IMMP2L: variants seen among roughly 807,000 people sequenced by gnomAD.
IMMP2L encodes inner mitochondrial membrane peptidase subunit 2, also known as mitochondrial inner membrane protease subunit 2.
A neutral mutation model predicts 19.3 loss-of-function variants in IMMP2L; 18 were observed. The ratio of observed to expected loss-of-function variants is 0.93; its 90% confidence interval spans 0.64 to 1.38. The LOEUF (loss-of-function observed/expected upper bound fraction) is 1.38. IMMP2L is among the 40% of genes most tolerant of loss of function. The probability of loss-of-function intolerance (pLI) is 0.00; values close to 1 mark genes in which losing one functional copy is unlikely to be tolerated. For synonymous variants in IMMP2L, 76 were observed against 73.0 expected, an observed-to-expected ratio of 1.04 and a Z score of -0.21; for missense variants, 233 against 218.2, an observed-to-expected ratio of 1.07 and a Z score of -0.43.
chr7:111,143,104 G>GA (rs1803107540), intron 3 of IMMP2L, among the ~76,000 whole-genome samples: 1 of 151,996 alleles, frequency 6.6e-6, no homozygotes, highest in Non-Finnish European at 1.5e-5. Context: ...CAGATATCAT[G>GA]AAAAAAATCA....
intron 4 of IMMP2L, among the ~76,000 whole-genome samples, chr7:110,946,141 C>G (rs532553224): frequency 6.6e-6 from 1 of 152,184 alleles, no homozygotes; most frequent in South Asian, 2.1e-4. Flanking sequence ...CTGTTAAAAC[C>G]TAGATTTCTG....
intron 3 of IMMP2L, among the ~76,000 whole-genome samples, chr7:111,190,525 T>A (rs956428192): frequency 1.3e-5 from 2 of 152,032 alleles, no homozygotes; most frequent in African/African-American, 4.8e-5. Context: ...TATGCACCAA[T>A]AGAACAATAG....
intron 3 of IMMP2L, among the ~76,000 whole-genome samples, chr7:111,485,691 T>C (rs1253206535): frequency 6.6e-6 from 1 of 150,744 alleles, no homozygotes; most frequent in African/African-American, 2.4e-5. Context: ...ATTTTTGAAG[T>C]TAATGTATAT....
At position 111,548,221 on chromosome 7, in the gene IMMP2L, A is replaced by AC. The variant is rs1429465680; in HGVS notation, c.-3+13629_-3+13630insG. ...GACCTTCTATGTGCTTGCTACAAAA[A>AC]AAAAGTTCTTCCAAACAAATACATT... On this transcript the variant is annotated intron_variant, in intron 1 of 5. Coordinates refer to ENST00000405709, the MANE Select transcript of IMMP2L (RefSeq NM_032549.4). Among the ~76,000 whole-genome samples the AC allele has an allele frequency of 2.0e-5, 3 of 151,712 alleles. No homozygotes were observed. In the East Asian group the frequency reaches 5.8e-4, roughly 29 times the overall value.
intron 5 of IMMP2L, among the ~76,000 whole-genome samples, chr7:110,784,768 A>G (rs1399748786): frequency 1.3e-5 from 2 of 151,820 alleles, no homozygotes; most frequent in Admixed American, 1.3e-4. Context: ...ATGTTTATGT[A>G]ATTGGTCTGG....
chr7:110,994,766 C>T (rs893017588), intron 3 of IMMP2L, among the ~76,000 whole-genome samples: 4 of 152,104 alleles, frequency 2.6e-5, no homozygotes, highest in Non-Finnish European at 5.9e-5. Flanking sequence ...AATAGAGAGG[C>T]ACAATCTCTT....
intron 3 of IMMP2L, among the ~76,000 whole-genome samples, chr7:111,400,554 T>C (rs1355703167): frequency 2.0e-5 from 3 of 152,092 alleles, no homozygotes; most frequent in African/African-American, 4.8e-5. Flanking sequence ...CCATTTAAAA[T>C]GTTCTCACCT....
intron 5 of IMMP2L, among the ~76,000 whole-genome samples, chr7:110,784,506 G>A (rs1219033747): frequency 6.6e-6 from 1 of 151,954 alleles, no homozygotes; most frequent in African/African-American, 2.4e-5. Flanking sequence ...AAAAGGATCT[G>A]CCAACATTTA....
At chr7:111,122,785 C>T in intron 3 of IMMP2L, 1 of 1,611,844 alleles carries the variant, frequency 6.2e-7, no homozygotes, top group South Asian at 1.1e-5. Context: ...GAAGGACATG[C>T]CACTCCGAAT....
chr7:110,806,108 G>A (rs1388817283), intron 5 of IMMP2L, among the ~76,000 whole-genome samples: 1 of 151,798 alleles, frequency 6.6e-6, no homozygotes, highest in African/African-American at 2.4e-5. Flanking sequence ...GATCACAGAG[G>A]GAACCTGGTG....
chr7:110,945,516 A>G (rs1466596771), intron 4 of IMMP2L, among the ~76,000 whole-genome samples: 2 of 151,986 alleles, frequency 1.3e-5, no homozygotes, highest in East Asian at 1.9e-4. Flanking sequence ...GCCACTGAGC[A>G]TGACTCAGCT....
At position 111,124,959 on chromosome 7, in the gene IMMP2L, G is replaced by A. The variant is rs536774492; in HGVS notation, c.240-161394C>T. The A allele has an allele frequency of 1.4e-5, 16 of 1,175,376 alleles. No individual in the cohort carries two copies. The South Asian group carries it at 2.5e-4, about 19-fold the overall frequency. The allele number at this position is 1,175,376 out of a possible 1,614,324, so 72.8% of individuals were successfully genotyped here. ...AAAAAAAAAAAAGCGAAAGACTGCA[G>A]TTGTGCTAAAAACAAAACAAAACAA... On this transcript the variant is annotated intron_variant, in intron 3 of 5. Transcript: ENST00000405709.
At position 111,123,369 on chromosome 7, in the gene IMMP2L, A is replaced by G. The variant is rs781214401; in HGVS notation, c.240-159804T>C. On this transcript the variant is annotated intron_variant, in intron 3 of 5. Coordinates refer to ENST00000405709, the MANE Select transcript of IMMP2L (RefSeq NM_032549.4). This position sits in a 1 kb window ranked among gnomAD's most constrained non-coding sequence, Gnocchi z 6.4. ...AGATTCTGATGATTGGGGAAAATCC[A>G]ATTATCAGAATCAAAGACATGAACT... is the stretch of plus-strand genomic sequence containing the variant. The G allele has an allele frequency of 6.2e-6, 10 of 1,613,744 alleles. No homozygotes were observed. The highest frequency in any genetic ancestry group is 8.5e-6 in the Non-Finnish European group (10 of 1,179,936).
intron 3 of IMMP2L, among the ~76,000 whole-genome samples, chr7:111,406,693 T>A (rs1833926562): frequency 6.6e-6 from 1 of 152,060 alleles, no homozygotes; most frequent in South Asian, 2.1e-4. Context: ...TGATCAAAGA[T>A]TACCTCAAGT....
At chr7:111,405,100 A>G (rs1294766059) in intron 3 of IMMP2L, among the ~76,000 whole-genome samples, 1 of 152,114 alleles carries the variant, frequency 6.6e-6, no homozygotes, top group Non-Finnish European at 1.5e-5. Flanking sequence ...ACAAGTCTGT[A>G]ACTCCTTTTA....
chr7:111,072,635 A>C (rs1795049493), intron 3 of IMMP2L, among the ~76,000 whole-genome samples: 1 of 152,104 alleles, frequency 6.6e-6, no homozygotes, highest in Non-Finnish European at 1.5e-5. Context: ...AGTGGCTCAC[A>C]CCATAATCCC....
chr7:111,465,591 C>A (rs1253927259), intron 3 of IMMP2L, among the ~76,000 whole-genome samples: 1 of 151,374 alleles, frequency 6.6e-6, no homozygotes, highest in African/African-American at 2.4e-5. Flanking sequence ...TCATCACTGG[C>A]CATCAGAGAA....
intron 3 of IMMP2L, among the ~76,000 whole-genome samples, chr7:111,027,245 T>C (rs912371145): frequency 1.3e-5 from 2 of 152,164 alleles, no homozygotes; most frequent in Non-Finnish European, 2.9e-5. Context: ...TGGTAAGGGC[T>C]GAGTTCTCAT....
intron 5 of IMMP2L, among the ~76,000 whole-genome samples, chr7:110,753,473 T>C (rs1453592770): frequency 6.6e-6 from 1 of 152,038 alleles, no homozygotes; most frequent in Non-Finnish European, 1.5e-5. Flanking sequence ...AAATCCCATA[T>C]AGTGTTATAT....
Sources: gnomAD v4.1 joint callset for allele counts (sites outside exome capture counted in the v4.1 genomes callset) on GRCh38, gnomAD v4.1.1 for gene constraint, Gnocchi (gnomAD v3.1) non-coding constraint, MANE v1.5 for transcripts, NCBI Gene and HGNC (gene_info 2026-07-23, HGNC 2026-07-21) for gene names.